Variants in CIT observed in about 807,000 individuals in gnomAD.
CIT encodes citron rho-interacting serine/threonine kinase.
CIT carries 79 observed loss-of-function variants against 272.7 expected under a neutral mutation model. That is an observed-to-expected ratio of 0.29 (90% CI 0.24 to 0.35). The LOEUF is 0.35. CIT is among the 10% of genes least tolerant of loss of function. The pLI is 1.00. For synonymous variants in CIT, 948 were observed against 995.6 expected, an observed-to-expected ratio of 0.95 and a Z score of 0.90; for missense variants, 1,909 against 2,618.3, an observed-to-expected ratio of 0.73 and a Z score of 5.91.
chr12:119,825,063 G>C (rs1174367460), intron 8 of CIT, 102 bp downstream of exon 8: 1 of 981,056 alleles, frequency 1.0e-6, no homozygotes, highest in Non-Finnish European at 1.5e-6. Context: ...GCCTCCCAAA[G>C]TGCCGGGATT....
At chr12:119,850,675 A>G (rs926311262) in intron 4 of CIT, among the ~76,000 whole-genome samples, 2 of 152,190 alleles carry the variant, frequency 1.3e-5, no homozygotes, top group African/African-American at 4.8e-5. Context: ...TTAAATGTAA[A>G]TATTTTTCTC....
chr12:119,730,662 G>GC (rs755766449), intron 26 of CIT, 32 bp from the exon 27 acceptor site: 3 of 1,603,610 alleles, frequency 1.9e-6, no homozygotes, highest in Admixed American at 1.7e-5. Flanking sequence ...GCTTTTGGTA[G>GC]CCCCCCAACA....
At chr12:119,705,691 G>C (rs1159430276) in intron 40 of CIT, among the ~76,000 whole-genome samples, 1 of 138,134 alleles carries the variant, frequency 7.2e-6, no homozygotes, top group Admixed American at 8.4e-5. Flanking sequence ...AGAATCACTT[G>C]AACCTGGGAG....
At chr12:119,733,604 A>G (rs1958594261) in intron 26 of CIT, among the ~76,000 whole-genome samples, 1 of 152,012 alleles carries the variant, frequency 6.6e-6, no homozygotes, top group South Asian at 2.1e-4. Flanking sequence ...GACAATGGAG[A>G]CACAGGGGAT....
In CIT at chr12:119,700,776, A is replaced by G. The variant is rs779634529; in HGVS notation, c.5592T>C (p.Asp1864=). The stretch of plus-strand genomic sequence containing the variant: ...CCAAAGGTAAGCGACTCCACTTGAG[A>G]TCGTCTGTGCGGCTACGTCTTCCGT... The part of the protein sequence containing the change: ...DSYGRRSRTD[D]LKWSRLPLAF... Residue 1864 remains aspartate, a synonymous_variant, in exon 44 of 48, where the codon GAT becomes GAC. Transcript: ENST00000392521. The G allele has an allele frequency of 6.2e-6, 10 of 1,614,066 alleles. No homozygotes were observed. Among genetic ancestry groups the G allele is most frequent in the Non-Finnish European group, 8.5e-6 (10 of 1,179,998 alleles).
At chr12:119,827,319 TA>T (rs1295102087) in intron 7 of CIT, among the ~76,000 whole-genome samples, 9 of 152,156 alleles carry the variant, frequency 5.9e-5, no homozygotes, top group Non-Finnish European at 1.0e-4. Flanking sequence ...GGAGAAGACT[TA>T]ATATGTTGGG....
intron 7 of CIT, among the ~76,000 whole-genome samples, chr12:119,828,622 G>A (rs1240614456): frequency 6.6e-6 from 1 of 151,740 alleles, no homozygotes; most frequent in East Asian, 1.9e-4. Flanking sequence ...GAGTGCAGTG[G>A]CGCGATCTTG....
Position 119,867,845 on chromosome 12 carries a change from G to A in CIT, c.238+1215C>T, listed in dbSNP as rs367585944. ...CAAGCAAAGTCAGAAACAGGGTGAA[G>A]GCAAGGCCAATATATGACTTCATAG... On this transcript the variant is annotated intron_variant, in intron 3 of 47. Coordinates refer to ENST00000392521, the MANE Select transcript of CIT (RefSeq NM_001206999.2). 2.6e-5 allele frequency among the ~76,000 whole-genome samples: 4 copies of A among 152,264 alleles called. No individual in the cohort carries two copies. In the South Asian group the frequency reaches 8.3e-4, roughly 32 times the overall value.
intron 40 of CIT, among the ~76,000 whole-genome samples, chr12:119,707,524 GT>G (rs60206934): frequency 7.3e-5 from 11 of 149,684 alleles, no homozygotes; most frequent in African/African-American, 1.7e-4. Context: ...ATTGCAATCT[GT>G]TTTTTTTTTC....
intron 19 of CIT, among the ~76,000 whole-genome samples, chr12:119,764,791 C>T (rs1962217794): frequency 6.6e-6 from 1 of 151,944 alleles, no homozygotes; most frequent in Non-Finnish European, 1.5e-5. Context: ...CTAACTGATG[C>T]CCAATCAAAT....
intron 13 of CIT, among the ~76,000 whole-genome samples, chr12:119,777,626 C>T (rs554650673): frequency 6.6e-6 from 1 of 151,290 alleles, no homozygotes; most frequent in East Asian, 2.0e-4. Flanking sequence ...GCCGAGATCG[C>T]GCCACTGCAC....
In CIT at chr12:119,711,144, G is replaced by T. The variant is rs955701636; in HGVS notation, c.4855-524C>A. 5.2e-6 allele frequency: 7 copies of T among 1,343,804 alleles called. No individual in the cohort carries two copies. In the African/African-American group the frequency reaches 1.0e-4, roughly 20 times the overall value. The allele number at this position is 1,343,804 out of a possible 1,614,324, so 83.2% of individuals were successfully genotyped here. A position where few individuals can be genotyped will look rare whatever the true frequency, so the allele number is the denominator to read the frequency against. On this transcript the variant is annotated intron_variant, in intron 37 of 47. Transcript: ENST00000392521. ...TTCAGTAAAAGCTCACGTGTGAAAC[G>T]ACCAACAAGTCATCCAAACAGGTCT...
chr12:119,702,814 C>G (rs2136996500), intron 41 of CIT, among the ~76,000 whole-genome samples: 1 of 152,234 alleles, frequency 6.6e-6, no homozygotes, highest in African/African-American at 2.4e-5. Context: ...CAGTGGTGGT[C>G]AGCAGCAATG....
intron 22 of CIT, among the ~76,000 whole-genome samples, chr12:119,755,642 C>T (rs780666871): frequency 1.1e-4 from 17 of 152,222 alleles, no homozygotes; most frequent in Admixed American, 1.0e-3. Context: ...TAAAAGCCCT[C>T]GTGTCAGGAA....
Position 119,767,168 on chromosome 12 carries a change from T to C in CIT, c.2223A>G (p.Lys741=), listed in dbSNP as rs528954208. ...MADKILELEE[K]HREAQVSAQH... ...GGGCTGAGACTTGGGCCTCCCGATG[T>C]TTCTCTTCGAGCTCCTAGACACAAA... Residue 741 remains lysine (K), a synonymous_variant, in exon 19 of 48, where the codon AAA becomes AAG. Coordinates refer to ENST00000392521, the MANE Select transcript of CIT (RefSeq NM_001206999.2). 6.2e-7 allele frequency: 1 copy of C among 1,610,188 alleles called. No homozygotes were observed. The highest frequency in any genetic ancestry group is 1.7e-5 in the Admixed American group (1 of 59,586).
intron 2 of CIT, among the ~76,000 whole-genome samples, chr12:119,872,984 G>T (rs11611117): frequency 6.6e-6 from 1 of 151,850 alleles, no homozygotes; most frequent in Non-Finnish European, 1.5e-5. Context: ...TTTTTGTAGA[G>T]ATGGGGTTTC....
At chr12:119,719,409 T>TA (rs995574960) in intron 30 of CIT, among the ~76,000 whole-genome samples, 7 of 150,926 alleles carry the variant, frequency 4.6e-5, no homozygotes, top group Non-Finnish European at 8.9e-5. Flanking sequence ...TAATGCAACT[T>TA]AAAAAAAAGG....
At chr12:119,760,324 A>T (rs188803680) in intron 20 of CIT, among the ~76,000 whole-genome samples, 61 of 152,214 alleles carry the variant, frequency 4.0e-4, no homozygotes, top group Admixed American at 6.5e-4. Flanking sequence ...AGAGACAAAC[A>T]GGCAAGTAAA....
chr12:119,692,003 A>G (rs1377036185), intron 46 of CIT, among the ~76,000 whole-genome samples: 1 of 152,256 alleles, frequency 6.6e-6, no homozygotes, highest in Non-Finnish European at 1.5e-5. Context: ...TTACAATGCA[A>G]TTACATGCTG....
Sources: gnomAD v4.1 joint callset for allele counts (sites outside exome capture counted in the v4.1 genomes callset) on GRCh38, gnomAD v4.1.1 for gene constraint, MANE v1.5 for transcripts, NCBI Gene and HGNC (gene_info 2026-07-23, HGNC 2026-07-21) for gene names.